The following SEZ6L variants were observed in gnomAD, a reference collection of about 807,000 sequenced individuals.
The protein encoded by SEZ6L is seizure related 6 homolog like.
SEZ6L carries 37 observed loss-of-function variants against 106.2 expected under a neutral mutation model. The observed-to-expected ratio is 0.35, with a 90% CI of 0.27 to 0.46. SEZ6L has a LOEUF of 0.46. Among genes scored for constraint, SEZ6L ranks in the 20% least tolerant of loss-of-function variants. The pLI is 1.00. For synonymous variants in SEZ6L, 541 were observed against 570.4 expected, an observed-to-expected ratio of 0.95 and a Z score of 0.73; for missense variants, 1,172 against 1,332.8, an observed-to-expected ratio of 0.88 and a Z score of 1.88.
chr22:26,251,824 C>T (rs1216264871), intron 1 of SEZ6L, among the ~76,000 whole-genome samples: 1 of 152,194 alleles, frequency 6.6e-6, no homozygotes, highest in Non-Finnish European at 1.5e-5. Context: ...TCAAGTCTTG[C>T]CTGATAGAGC....
chr22:26,259,281 A>G (rs1185315061), intron 1 of SEZ6L, among the ~76,000 whole-genome samples: 2 of 152,226 alleles, frequency 1.3e-5, no homozygotes, highest in South Asian at 4.1e-4. Context: ...AATTGTTGAT[A>G]TCTCTCTCTA....
intron 1 of SEZ6L, among the ~76,000 whole-genome samples, chr22:26,231,484 G>T (rs945770746): frequency 6.6e-6 from 1 of 152,162 alleles, no homozygotes; most frequent in African/African-American, 2.4e-5. Context: ...GGAAGCCTAT[G>T]CAGAGTTTTC....
chr22:26,373,364 C>A, intron 13 of SEZ6L, 87 bp from the exon 14 acceptor site: 2 of 1,153,148 alleles, frequency 1.7e-6, no homozygotes, highest in Non-Finnish European at 2.5e-6. Flanking sequence ...ATGGCATGGG[C>A]TTTTGCATCA....
At chr22:26,222,568 A>T (rs979293830) in intron 1 of SEZ6L, among the ~76,000 whole-genome samples, 9 of 148,036 alleles carry the variant, frequency 6.1e-5, no homozygotes, top group African/African-American at 2.3e-4. Flanking sequence ...TACCATGCCT[A>T]TCATTCTGGA....
intron 1 of SEZ6L, among the ~76,000 whole-genome samples, chr22:26,272,251 A>T (rs1297345394): frequency 2.0e-5 from 3 of 152,238 alleles, no homozygotes; most frequent in African/African-American, 7.2e-5. Flanking sequence ...CTATTTGAGG[A>T]ATTTCATCAA....
chr22:26,179,191 C>T (rs146695493), intron 1 of SEZ6L, among the ~76,000 whole-genome samples: 1 of 152,070 alleles, frequency 6.6e-6, no homozygotes, highest in African/African-American at 2.4e-5. Flanking sequence ...GAGCTCTAGA[C>T]CAGCCTGGGC....
At chr22:26,335,504 A>G (rs1045023990) in intron 9 of SEZ6L, among the ~76,000 whole-genome samples, 1 of 152,040 alleles carries the variant, frequency 6.6e-6, no homozygotes, top group Non-Finnish European at 1.5e-5. Flanking sequence ...GTTATAGAAT[A>G]TATAGAATGC....
chr22:26,370,802 G>C (rs965123523), intron 13 of SEZ6L, among the ~76,000 whole-genome samples: 16 of 151,952 alleles, frequency 1.1e-4, no homozygotes, highest in African/African-American at 3.9e-4. Flanking sequence ...CCAGGAGTTC[G>C]AGACCAGCCT....
At chr22:26,312,181 C>T (rs1360460751) in intron 8 of SEZ6L, among the ~76,000 whole-genome samples, 1 of 152,224 alleles carries the variant, frequency 6.6e-6, no homozygotes, top group Admixed American at 6.5e-5. Flanking sequence ...TTCTTCCAGG[C>T]ATAGGTCCCA....
Position 26,297,060 on chromosome 22 carries a change from C to A in SEZ6L, c.1142C>A (p.Thr381Asn), listed in dbSNP as rs146559583. The A allele has an allele frequency of 1.9e-4, 307 of 1,612,892 alleles. No individual in the cohort carries two copies. Among genetic ancestry groups the A allele is most frequent in the Admixed American group, 5.5e-4 (33 of 59,906 alleles). ...ACCTTCCAGGACGACGGCCTTGGGA[C>A]CTTCCAGCTTCACTACCAGGGTAGG... is the stretch of plus-strand genomic sequence containing the variant. Reference protein sequence around the residue: ...FRTFQDDGLGTFQLHYQAFML... With the variant: ...FRTFQDDGLGNFQLHYQAFML... The change falls in exon 4 of 17, where the codon ACC becomes AAC. Residue 381 changes from threonine (T) to asparagine (N), a missense_variant. Thr to Asn is a moderately conservative substitution (Grantham distance 65). This residue lies in a region of SEZ6L where 534 missense variants were observed against 691.0 expected (regional missense o/e 0.77). Coordinates refer to ENST00000248933, the MANE Select transcript of SEZ6L (RefSeq NM_021115.5).
At position 26,357,956 on chromosome 22, in the gene SEZ6L, G is replaced by A. The variant is rs1052691410; in HGVS notation, c.2599+6713G>A. Reference sequence around the variant, plus strand: ...CCACTTAGCTTGCTTAAGAGACAGCGATTCCCCGGGAGGCCCTGGTTCTCA... The same window carrying A: ...CCACTTAGCTTGCTTAAGAGACAGCAATTCCCCGGGAGGCCCTGGTTCTCA... On this transcript the variant is annotated intron_variant, in intron 12 of 16. Transcript: ENST00000248933. 2.0e-5 allele frequency among the ~76,000 whole-genome samples: 3 copies of A among 152,204 alleles called. No homozygotes were observed. In the East Asian group the frequency reaches 5.8e-4, roughly 29 times the overall value.
At chr22:26,233,270 T>C (rs1344949685) in intron 1 of SEZ6L, among the ~76,000 whole-genome samples, 1 of 152,220 alleles carries the variant, frequency 6.6e-6, no homozygotes, top group Non-Finnish European at 1.5e-5. Context: ...TCTCTCCTCA[T>C]GCGGCGCCTC....
chr22:26,187,039 A>G (rs1029877453), intron 1 of SEZ6L, among the ~76,000 whole-genome samples: 3 of 152,214 alleles, frequency 2.0e-5, no homozygotes, highest in Admixed American at 6.5e-5. Context: ...CACCTCTTCT[A>G]GCCTCTCCGC....
In SEZ6L at chr22:26,223,654, T is replaced by G. The variant is rs2078550871; in HGVS notation, c.94+53891T>G. On this transcript the variant is annotated intron_variant, in intron 1 of 16. Transcript: ENST00000248933. ...TGGAACTCAGTTTCCTCCTCCAAAA[T>G]GTGGAGATAACAATAGAACCCACTT... 2.6e-5 allele frequency among the ~76,000 whole-genome samples: 4 copies of G among 152,158 alleles called. No individual in the cohort carries two copies. In the South Asian group the frequency reaches 8.3e-4, roughly 31 times the overall value.
chr22:26,189,768 A>G (rs1194668765), intron 1 of SEZ6L, among the ~76,000 whole-genome samples: 1 of 152,112 alleles, frequency 6.6e-6, no homozygotes, highest in South Asian at 2.1e-4. Context: ...CTGGCAGACG[A>G]CTGTAATATG....
chr22:26,251,354 T>A (rs1047986934), intron 1 of SEZ6L, among the ~76,000 whole-genome samples: 67 of 137,460 alleles, frequency 4.9e-4, no homozygotes, highest in Non-Finnish European at 6.7e-4. Context: ...TTTTTTTTTT[T>A]ATCATGAATG....
chr22:26,359,607 G>A (rs1429164344), intron 12 of SEZ6L, among the ~76,000 whole-genome samples: 2 of 152,038 alleles, frequency 1.3e-5, no homozygotes, highest in African/African-American at 4.8e-5. Flanking sequence ...GGACCAGCCT[G>A]GGTAACCTCA....
intron 1 of SEZ6L, among the ~76,000 whole-genome samples, chr22:26,191,458 C>T (rs985059039): frequency 6.6e-6 from 1 of 152,114 alleles, no homozygotes; most frequent in Non-Finnish European, 1.5e-5. Flanking sequence ...AGCTGGAAGG[C>T]ATTATCCTCA....
intron 1 of SEZ6L, among the ~76,000 whole-genome samples, chr22:26,277,314 C>T (rs1224469537): frequency 6.6e-6 from 1 of 152,138 alleles, no homozygotes; most frequent in Non-Finnish European, 1.5e-5. Context: ...ACACCTGCTA[C>T]AAGTCCCCCA....
Sources: gnomAD v4.1 joint callset for allele counts (sites outside exome capture counted in the v4.1 genomes callset) on GRCh38, gnomAD v4.1.1 for gene constraint, gnomAD v4.1.1 regional missense constraint, MANE v1.5 for transcripts, NCBI Gene and HGNC (gene_info 2026-07-23, HGNC 2026-07-21) for gene names.